The following SPAG17 variants were observed in gnomAD, a reference collection of about 807,000 sequenced individuals.
SPAG17 encodes sperm-associated antigen 17.
SPAG17 carries 169 observed loss-of-function variants against 273.6 expected under a neutral mutation model. That is an observed-to-expected ratio of 0.62 (90% CI 0.55 to 0.70). The LOEUF is 0.70. SPAG17 is among the 30% of genes least tolerant of loss of function. SPAG17 has a pLI of 0.00. For synonymous variants in SPAG17, 825 were observed against 873.2 expected, an observed-to-expected ratio of 0.94 and a Z score of 0.97; for missense variants, 2,557 against 2,627.8, an observed-to-expected ratio of 0.97 and a Z score of 0.59.
chr1:118,031,840 A>G lies in SPAG17; in HGVS notation c.3461T>C (p.Ile1154Thr). Residue 1154 changes from isoleucine to threonine, a missense_variant, in exon 25 of 49, where the codon ATA (isoleucine) becomes ACA (threonine). By Grantham distance (89) the Ile-to-Thr change is moderately conservative (BLOSUM62 -1). Transcript: ENST00000336338. ...PEDKDPDLETILNIPSALTPT... is the reference protein window; with the variant it reads ...PEDKDPDLETTLNIPSALTPT... The stretch of plus-strand genomic sequence containing the variant: ...AGTGAGTGCTGAAGGGATATTCAAT[A>G]TTGTTTCTAAATCAGGATCCTTATC... 6.2e-7 allele frequency: 1 copy of G among 1,606,592 alleles called. No individual in the cohort carries two copies.
chr1:117,967,237 T>G (rs142483023), intron 46 of SPAG17, among the ~76,000 whole-genome samples: 6,774 of 148,052 alleles, frequency 0.046, 330 homozygotes, highest in South Asian at 0.13. Context: ...GGCAGAGGTT[T>G]CAGTGAGCCG....
chr1:118,041,221 C>T (rs1023350618), intron 21 of SPAG17, among the ~76,000 whole-genome samples: 9 of 152,028 alleles, frequency 5.9e-5, no homozygotes, highest in African/African-American at 2.2e-4. Flanking sequence ...ATGTAGAAGA[C>T]ATTTTTTACT....
At chr1:118,084,516 A>G (rs777711904) in intron 13 of SPAG17, among the ~76,000 whole-genome samples, 1 of 152,176 alleles carries the variant, frequency 6.6e-6, no homozygotes, top group Non-Finnish European at 1.5e-5. Flanking sequence ...AATCCCAGTG[A>G]ACTCAGATGA....
intron 1 of SPAG17, among the ~76,000 whole-genome samples, chr1:118,170,647 T>C (rs1660379705): frequency 6.6e-6 from 1 of 152,208 alleles, no homozygotes; most frequent in South Asian, 2.1e-4. Flanking sequence ...GATATTATTG[T>C]CTCTATCTGA....
Position 118,039,287 on chromosome 1 carries a change from C to T in SPAG17, c.3319+5G>A, listed in dbSNP as rs1237209932. ...GAAGAAAGAAACCACTAAACAGCAG[C>T]TTACCCGTTTCAAGACTTTGTTCCT... On this transcript the variant is annotated splice_donor_5th_base_variant and intron_variant, in intron 23 of 48. Transcript: ENST00000336338. 2 of 1,611,994 alleles carry T rather than the reference C, an allele frequency of 1.2e-6. No homozygotes were observed. The highest frequency in any genetic ancestry group is 1.7e-6 in the Non-Finnish European group (2 of 1,178,958).
Position 118,166,758 on chromosome 1 carries a change from T to A in SPAG17, c.88-15389A>T, listed in dbSNP as rs192627406. ...CCAGATCAACAAAAAACTTTTACCA[T>A]CTTCAGCATCTTAAAATTTTGCATG... On this transcript the variant is annotated intron_variant, in intron 1 of 48. Coordinates refer to ENST00000336338, the MANE Select transcript of SPAG17 (RefSeq NM_206996.4). Among the ~76,000 whole-genome samples, 975 of 152,350 alleles carry A rather than the reference T, an allele frequency of 6.4e-3. 31 individuals are homozygous for A. Among genetic ancestry groups the A allele is most frequent in the Admixed American group, 0.056 (853 of 15,302 alleles).
chr1:118,003,388 G>A (rs969214955), intron 32 of SPAG17, among the ~76,000 whole-genome samples: 3 of 152,152 alleles, frequency 2.0e-5, no homozygotes, highest in Non-Finnish European at 4.4e-5. Context: ...AGGTTGAGGA[G>A]TTCTCCTGGA....
rs1489745642 is a variant in SPAG17 at position 118,120,571 on chromosome 1, T to A, written c.316-5130A>T. ...ATACATGTATTGAATAACAATGGCG[T>A]ACTCAGATTTATACAGTGCTAAAGG... is the stretch of plus-strand genomic sequence containing the variant. On this transcript the variant is annotated intron_variant, in intron 3 of 48. Transcript: ENST00000336338. 3.3e-5 allele frequency among the ~76,000 whole-genome samples: 5 copies of A among 152,332 alleles called. No homozygotes were observed. The East Asian group carries it at 7.7e-4, about 23-fold the overall frequency.
intron 1 of SPAG17, among the ~76,000 whole-genome samples, chr1:118,162,957 T>C (rs777078690): frequency 6.6e-6 from 1 of 152,226 alleles, no homozygotes; most frequent in Non-Finnish European, 1.5e-5. Context: ...ATGTTATTCA[T>C]GAATATAGAT....
intron 3 of SPAG17, among the ~76,000 whole-genome samples, chr1:118,135,037 T>C (rs1658261923): frequency 6.6e-6 from 1 of 152,236 alleles, no homozygotes; most frequent in Admixed American, 6.5e-5. Flanking sequence ...AGGCTGGAAT[T>C]AACTTTGTGA....
At chr1:118,146,099 A>AT (rs1231226962) in intron 3 of SPAG17, among the ~76,000 whole-genome samples, 1 of 152,212 alleles carries the variant, frequency 6.6e-6, no homozygotes, top group Non-Finnish European at 1.5e-5. Flanking sequence ...GATAAATTGG[A>AT]TAAGTAAACC....
intron 6 of SPAG17, among the ~76,000 whole-genome samples, chr1:118,098,281 C>T (rs1487547431): frequency 2.6e-5 from 4 of 152,122 alleles, no homozygotes; most frequent in African/African-American, 9.7e-5. Flanking sequence ...TTGCTGAAAA[C>T]AGAGTGGATC....
chr1:118,185,201 C>T lies in SPAG17; in HGVS notation c.-44G>A. ...ATTGGCCTCTAAACTGGGCGCAGGC[C>T]CTGCCTAAGCGTCCCCGCTACCACA... On this transcript the variant is annotated 5_prime_UTR_variant, in exon 1 of 49. Coordinates refer to ENST00000336338, the MANE Select transcript of SPAG17 (RefSeq NM_206996.4). The T allele has an allele frequency of 6.7e-7, 1 of 1,502,316 alleles. No individual in the cohort carries two copies. Among genetic ancestry groups the T allele is most frequent in the African/African-American group, 1.4e-5 (1 of 72,780 alleles). 93.1% of individuals were successfully genotyped at this position (1,502,316 alleles called of 1,614,324 possible).
At chr1:118,046,531 G>A (rs1300909039) in intron 20 of SPAG17, among the ~76,000 whole-genome samples, 3 of 151,730 alleles carry the variant, frequency 2.0e-5, no homozygotes, top group Non-Finnish European at 4.4e-5. Flanking sequence ...CTGAAATTAA[G>A]TTAAATTGAA....
At chr1:118,026,869 C>T (rs772347906) in intron 26 of SPAG17, among the ~76,000 whole-genome samples, 2 of 152,104 alleles carry the variant, frequency 1.3e-5, no homozygotes, top group African/African-American at 2.4e-5. Context: ...AAGACTGACC[C>T]GATGAAGATA....
rs1430350386 is a variant in SPAG17, at chr1:118,097,700, A to G, written c.981T>C (p.Phe327=). Residue 327 remains phenylalanine, a synonymous_variant, in exon 7 of 49, where the codon TTT becomes TTC. Transcript: ENST00000336338. ...TCTCACCATCTGACCAGTCAGAAGG[A>G]AAATCAGCTGCTTTGACCATGTACT... ...RLEYMVKAAD[F]PSDWSDGEMM... is the part of the protein sequence containing the mutation. 18 of 1,604,802 alleles carry G rather than the reference A, an allele frequency of 1.1e-5. No homozygotes were observed. Among genetic ancestry groups the G allele is most frequent in the Non-Finnish European group, 1.4e-5 (17 of 1,177,018 alleles).
chr1:118,076,065 A>T (rs1356674833), intron 15 of SPAG17, among the ~76,000 whole-genome samples: 1 of 152,110 alleles, frequency 6.6e-6, no homozygotes, highest in Non-Finnish European at 1.5e-5. Flanking sequence ...AGCACCCAGC[A>T]TCTGGCAGGA....
intron 7 of SPAG17, among the ~76,000 whole-genome samples, chr1:118,096,275 G>A (rs1407036676): frequency 6.6e-6 from 1 of 152,046 alleles, no homozygotes; most frequent in South Asian, 2.1e-4. Context: ...AGAGTCAGAA[G>A]TGTCCATGCC....
rs1385238238 is a variant in SPAG17, at chr1:117,996,661, T to C, written c.4859A>G (p.Asp1620Gly). 2.5e-6 allele frequency: 4 copies of C among 1,612,946 alleles called. No homozygotes were observed. The East Asian group carries it at 8.9e-5, about 36-fold the overall frequency. The change falls in exon 33 of 49, where the codon GAT becomes GGT. Residue 1620 changes from aspartate (D) to glycine (G), a missense_variant. Asp to Gly is a moderately conservative substitution (Grantham distance 94). Coordinates refer to ENST00000336338, the MANE Select transcript of SPAG17 (RefSeq NM_206996.4). ...TTCAAGGTGCATAGAGGACAGACTA[T>C]CATAGCCCTCAGTTTTCTCATTTAA... ...DDLNEKTEGY[D>G]SLSSMHLEKN...
Sources: allele counts gnomAD v4.1 joint callset (sites outside exome capture counted in the v4.1 genomes callset), GRCh38; gene constraint gnomAD v4.1.1; transcripts MANE v1.5; gene names NCBI Gene and HGNC (gene_info 2026-07-23, HGNC 2026-07-21).